CEP112: variants seen among roughly 807,000 people sequenced by gnomAD.
The protein encoded by CEP112 is centrosomal protein 112.
In CEP112, 127 loss-of-function variants were observed where a neutral mutation model predicts 153.0. That is an observed-to-expected ratio of 0.83 (90% CI 0.72 to 0.96). CEP112 has a LOEUF of 0.96. CEP112 is among the 40% of genes least tolerant of loss of function. The pLI, the probability that CEP112 is intolerant of heterozygous loss-of-function variation, is 0.00. For synonymous variants in CEP112, 358 were observed against 374.4 expected (o/e 0.96, Z 0.51); for missense variants, 1,089 against 1,101.2 (o/e 0.99, Z 0.16).
intron 24 of CEP112, among the ~76,000 whole-genome samples, chr17:65,661,165 T>C (rs1384017162): frequency 6.6e-6 from 1 of 152,188 alleles, no homozygotes; most frequent in Admixed American, 6.5e-5. Context: ...ACATGCTGTT[T>C]TGTGCTCCTC....
chr17:66,034,748 T>A (rs548737356), intron 12 of CEP112, among the ~76,000 whole-genome samples: 54 of 151,938 alleles, frequency 3.6e-4, no homozygotes, highest in Non-Finnish European at 6.0e-4. Context: ...CTCAGCTATC[T>A]GTATATCATT....
Position 66,065,174 on chromosome 17 carries a change from C to T in CEP112, c.955+1604G>A, listed in dbSNP as rs140698933. Among the ~76,000 whole-genome samples the T allele has an allele frequency of 1.5e-3, 232 of 152,284 alleles. 4 individuals carry two copies. The South Asian group carries it at 0.03, about 20-fold the overall frequency. The stretch of plus-strand genomic sequence containing the variant: ...TCGGTTCCATTCTAACTACTCCCAG[C>T]GCCATCATTCAGAAATCCTTCTCAC... On this transcript the variant is annotated intron_variant, in intron 10 of 26. Transcript: ENST00000535342.
intron 6 of CEP112, among the ~76,000 whole-genome samples, chr17:66,107,742 G>A (rs1568497604): frequency 6.6e-6 from 1 of 152,028 alleles, no homozygotes; most frequent in Non-Finnish European, 1.5e-5. Context: ...CAGAGTCAAT[G>A]CAATTACTGT....
chr17:65,849,278 C>T (rs1188804775), intron 21 of CEP112, among the ~76,000 whole-genome samples: 1 of 152,166 alleles, frequency 6.6e-6, no homozygotes, highest in Admixed American at 6.5e-5. Context: ...AACATCTCTC[C>T]CAATTAATTT....
chr17:66,101,482 C>CTGAG, intron 6 of CEP112, among the ~76,000 whole-genome samples: 1 of 152,186 alleles, frequency 6.6e-6, no homozygotes, highest in African/African-American at 2.4e-5. Flanking sequence ...AGTCAAGAGA[C>CTGAG]TGATGCTTCC....
chr17:65,703,592 C>T (rs1433720888), intron 23 of CEP112, among the ~76,000 whole-genome samples: 1 of 149,884 alleles, frequency 6.7e-6, no homozygotes, highest in Non-Finnish European at 1.5e-5. Context: ...GTCTTGCAGA[C>T]AGGAAATGGC....
At chr17:66,170,486 C>T (rs749551818) in intron 4 of CEP112, among the ~76,000 whole-genome samples, 1 of 152,080 alleles carries the variant, frequency 6.6e-6, no homozygotes, top group Non-Finnish European at 1.5e-5. Context: ...GCAGATAGGC[C>T]AGGCATGGTG....
chr17:65,892,780 C>T (rs536957051), intron 20 of CEP112, among the ~76,000 whole-genome samples: 29 of 152,140 alleles, frequency 1.9e-4, no homozygotes, highest in Non-Finnish European at 4.3e-4. Flanking sequence ...TCTTGTTGTG[C>T]CTGTCAATGT....
intron 20 of CEP112, among the ~76,000 whole-genome samples, chr17:65,899,154 A>G (rs562133459): frequency 2.2e-4 from 33 of 152,302 alleles, no homozygotes; most frequent in African/African-American, 7.5e-4. Context: ...TCTCCAAAAT[A>G]ATTTCAATAA....
intron 6 of CEP112, among the ~76,000 whole-genome samples, chr17:66,124,844 T>G (rs536757634): frequency 6.6e-6 from 1 of 152,324 alleles, no homozygotes; most frequent in African/African-American, 2.4e-5. Context: ...GCTTTTTGTA[T>G]TTTGTCCAGA....
intron 20 of CEP112, among the ~76,000 whole-genome samples, chr17:65,885,241 T>C (rs2059235691): frequency 6.6e-6 from 1 of 152,192 alleles, no homozygotes; most frequent in Non-Finnish European, 1.5e-5. Context: ...TTTAGAACAT[T>C]AAAAATTATC....
chr17:65,941,791 T>TA (rs1324542944), intron 18 of CEP112, among the ~76,000 whole-genome samples: 2 of 53,318 alleles, frequency 3.8e-5, no homozygotes, highest in East Asian at 0.019. Flanking sequence ...TGTTTTGTTG[T>TA]TTTTTTTTTG....
At chr17:66,112,468 G>A (rs905144852) in intron 6 of CEP112, among the ~76,000 whole-genome samples, 11 of 151,874 alleles carry the variant, frequency 7.2e-5, no homozygotes, top group South Asian at 4.2e-4. Context: ...ATCACAATGC[G>A]GTGATATTTT....
intron 20 of CEP112, among the ~76,000 whole-genome samples, chr17:65,883,901 A>G (rs1044866630): frequency 6.6e-6 from 1 of 152,192 alleles, no homozygotes; most frequent in African/African-American, 2.4e-5. Context: ...GAATTTACTG[A>G]CAGGTTAAGA....
At chr17:65,694,891 T>C (rs2048283918) in intron 23 of CEP112, among the ~76,000 whole-genome samples, 1 of 152,162 alleles carries the variant, frequency 6.6e-6, no homozygotes, top group South Asian at 2.1e-4. Flanking sequence ...CCAAGATAAT[T>C]AAAGAACAGA....
intron 25 of CEP112, 107 bp from the exon 26 acceptor site, chr17:65,637,295 AACTC>A: frequency 2.6e-6 from 2 of 770,410 alleles, no homozygotes; most frequent in East Asian, 2.6e-5. Flanking sequence ...CCCTAGATAA[AACTC>A]AGAGGATTTG....
intron 19 of CEP112, among the ~76,000 whole-genome samples, chr17:65,907,356 TA>T (rs898472426): frequency 2.0e-4 from 31 of 152,174 alleles, no homozygotes; most frequent in African/African-American, 7.0e-4. Flanking sequence ...AGCATAAACA[TA>T]AATAGTCATA....
Position 65,800,373 on chromosome 17 carries a change from G to C in CEP112, c.2395-49649C>G, listed in dbSNP as rs116530771. Among the ~76,000 whole-genome samples, 865 of 152,044 alleles carry C rather than the reference G, an allele frequency of 5.7e-3. 5 individuals carry two copies. Among genetic ancestry groups the C allele is most frequent in the African/African-American group, 0.02 (832 of 41,440 alleles). ...GTAATAATACAATATGTGTGCTTTT[G>C]TGTCCAGATTTTTTTTATTTACATA... On this transcript the variant is annotated intron_variant, in intron 21 of 26. Transcript: ENST00000535342.
intron 18 of CEP112, among the ~76,000 whole-genome samples, chr17:65,938,898 G>A (rs374118644): frequency 7.2e-5 from 11 of 151,894 alleles, no homozygotes; most frequent in South Asian, 2.1e-4. Flanking sequence ...TGCAACCTCC[G>A]CCTCCCAGGT....
Sources: gnomAD v4.1 joint callset for allele counts (sites outside exome capture counted in the v4.1 genomes callset) on GRCh38, gnomAD v4.1.1 for gene constraint, MANE v1.5 for transcripts, NCBI Gene and HGNC (gene_info 2026-07-23, HGNC 2026-07-21) for gene names.